The following ASAP2 variants were observed in gnomAD, a reference collection of about 807,000 sequenced individuals.
The protein encoded by ASAP2 is arf-GAP with SH3 domain, ANK repeat and PH domain-containing protein 2.
Under a neutral mutation model 131.4 loss-of-function variants are expected in ASAP2, and 45 were observed. That is an observed-to-expected ratio of 0.34 (90% CI 0.27 to 0.44). The LOEUF (loss-of-function observed/expected upper bound fraction) is 0.44, where lower values mean the gene tolerates loss of function less well. ASAP2 is among the 20% of genes least tolerant of loss of function. The pLI is 1.00. For synonymous variants in ASAP2, 510 were observed against 503.0 expected (o/e 1.01, Z -0.19); for missense variants, 1,011 against 1,297.0 (o/e 0.78, Z 3.39).
rs372412922 is a variant in ASAP2, at chr2:9,249,659, A to G, written c.127-29658A>G. ...CACCCACACTGTCGTGTGGACAGAA[A>G]GTTCACAGCCTGAGTGAGACTGGGC... On this transcript the variant is annotated intron_variant, in intron 1 of 27. Transcript: ENST00000281419. 6.6e-5 allele frequency among the ~76,000 whole-genome samples: 10 copies of G among 152,352 alleles called. No individual in the cohort carries two copies. The East Asian group carries it at 1.4e-3, about 21-fold the overall frequency.
chr2:9,323,106 T>C lies in ASAP2; in HGVS notation c.471-15T>C. ...GCCAACAGGCATCTTGATGTATCCT[T>C]GCTTTCACACGTAGAACCAAGATAG... On this transcript the variant is annotated splice_polypyrimidine_tract_variant and intron_variant, in intron 5 of 27. Coordinates refer to ENST00000281419, the MANE Select transcript of ASAP2 (RefSeq NM_003887.3). 6.2e-7 allele frequency: 1 copy of C among 1,614,012 alleles called. No homozygotes were observed. Among genetic ancestry groups the C allele is most frequent in the Non-Finnish European group, 8.5e-7 (1 of 1,179,986 alleles).
intron 1 of ASAP2, among the ~76,000 whole-genome samples, chr2:9,240,480 G>A (rs2148071791): frequency 6.6e-6 from 1 of 152,048 alleles, no homozygotes; most frequent in South Asian, 2.1e-4. Context: ...TCCTGGACTG[G>A]AGCGATTCAC....
chr2:9,314,491 A>G (rs1669515664), intron 3 of ASAP2, among the ~76,000 whole-genome samples: 1 of 152,226 alleles, frequency 6.6e-6, no homozygotes, highest in Admixed American at 6.5e-5. Flanking sequence ...TCTTCCATCA[A>G]TAATTTTTAA....
At chr2:9,303,360 C>CT (rs1367532724) in intron 3 of ASAP2, among the ~76,000 whole-genome samples, 1 of 152,086 alleles carries the variant, frequency 6.6e-6, no homozygotes, top group African/African-American at 2.4e-5. Context: ...ATTGGTTGCC[C>CT]TTTTTCCTGC....
intron 3 of ASAP2, among the ~76,000 whole-genome samples, chr2:9,297,744 A>G (rs1668234976): frequency 6.6e-6 from 1 of 152,164 alleles, no homozygotes; most frequent in African/African-American, 2.4e-5. Context: ...ACAGTTTCTA[A>G]ACTGTGTAGA....
chr2:9,348,416 C>T lies in ASAP2; in HGVS notation c.1024-2392C>T, dbSNP rs535434322. On this transcript the variant is annotated intron_variant, in intron 11 of 27. Coordinates refer to ENST00000281419, the MANE Select transcript of ASAP2 (RefSeq NM_003887.3). ...CTGGGATTACAGGCGTGAGCTACTG[C>T]GCCCAGGTGACACTGTATTTTTCCA... Among the ~76,000 whole-genome samples the T allele has an allele frequency of 8.5e-5, 13 of 152,312 alleles. No homozygotes were observed. In the South Asian group the frequency reaches 1.9e-3, roughly 22 times the overall value.
At chr2:9,334,666 T>TTTTTAATC in intron 7 of ASAP2, 72 bp from the exon 8 acceptor site, 1 of 1,443,166 alleles carries the variant, frequency 6.9e-7, no homozygotes, top group South Asian at 1.2e-5. Flanking sequence ...TTTAAAGAAG[T>TTTTTAATC]TTTTAATCTG....
rs751898366 is a variant in ASAP2, at chr2:9,367,997, C to A, written c.1462-428C>A. On this transcript the variant is annotated intron_variant, in intron 15 of 27. Transcript: ENST00000281419. ...GCCGGTAATGGAGCTGTGATTTGAA[C>A]CTGAGTCTTAGCTTTCCTGGCTCAG... is the stretch of plus-strand genomic sequence containing the variant. Among the ~76,000 whole-genome samples, 22 of 152,310 alleles carry A rather than the reference C, an allele frequency of 1.4e-4. No homozygotes were observed. The South Asian group carries it at 3.1e-3, about 22-fold the overall frequency.
At chr2:9,365,749 ACTT>A in intron 15 of ASAP2, among the ~76,000 whole-genome samples, 1 of 152,122 alleles carries the variant, frequency 6.6e-6, no homozygotes. Context: ...TTCAGGATGA[ACTT>A]CTTTTCCAGG....
chr2:9,223,345 G>A (rs1327984321), intron 1 of ASAP2, among the ~76,000 whole-genome samples: 1 of 152,138 alleles, frequency 6.6e-6, no homozygotes, highest in East Asian at 1.9e-4. Context: ...TAAGGGCCCT[G>A]TTTTATTTGC....
intron 15 of ASAP2, among the ~76,000 whole-genome samples, chr2:9,363,875 A>G (rs1373458353): frequency 6.6e-6 from 1 of 152,198 alleles, no homozygotes. Context: ...GCAGCCTAGC[A>G]TTACTTCTTT....
intron 3 of ASAP2, among the ~76,000 whole-genome samples, chr2:9,302,012 A>G (rs1265290349): frequency 1.3e-5 from 2 of 150,422 alleles, no homozygotes; most frequent in African/African-American, 4.9e-5. Context: ...TTTAGTAGAG[A>G]TGGGGTTTCA....
Position 9,270,616 on chromosome 2 carries a change from AATT to A in ASAP2, c.127-8697_127-8695del, listed in dbSNP as rs1430946558. 2.0e-5 allele frequency among the ~76,000 whole-genome samples: 3 copies of A among 151,610 alleles called. No individual in the cohort carries two copies. In the South Asian group the frequency reaches 6.3e-4, roughly 32 times the overall value. ...CTTAGTTATTTTTAAATGTACAATA[AATT>A]ATTGTTGACCTTTGTCACCCTGTTT... On this transcript the variant is annotated intron_variant, in intron 1 of 27. Transcript: ENST00000281419.
In ASAP2 at chr2:9,232,792, C is replaced by T. The variant is rs1663262687; in HGVS notation, c.126+25562C>T. Among the ~76,000 whole-genome samples the T allele has an allele frequency of 6.6e-6, 1 of 152,150 alleles. No homozygotes were observed. Among genetic ancestry groups the T allele is most frequent in the Admixed American group, 6.5e-5 (1 of 15,282 alleles). On this transcript the variant is annotated intron_variant, in intron 1 of 27. Coordinates refer to ENST00000281419, the MANE Select transcript of ASAP2 (RefSeq NM_003887.3). The surrounding 1 kb of genome is among the most constrained non-coding windows in gnomAD (Gnocchi z 4.1). ...TCATTGGTTCATAGAAAGCTTGTTT[C>T]TCTGGCCATGGGGACTTGATTCTTA...
intron 3 of ASAP2, among the ~76,000 whole-genome samples, chr2:9,303,994 C>T (rs1668664820): frequency 6.6e-6 from 1 of 152,224 alleles, no homozygotes; most frequent in Non-Finnish European, 1.5e-5. Context: ...TCTGGCAACT[C>T]CTGCCTGGGC....
chr2:9,400,233 CT>C (rs1676524565), intron 25 of ASAP2, among the ~76,000 whole-genome samples, 161 bp downstream of exon 25: 2 of 56,232 alleles, frequency 3.6e-5, no homozygotes, highest in Non-Finnish European at 9.5e-5. Context: ...CTCCTGCCCC[CT>C]CCCCTCCTGC....
At chr2:9,265,955 G>A (rs1240365949) in intron 1 of ASAP2, among the ~76,000 whole-genome samples, 3 of 151,974 alleles carry the variant, frequency 2.0e-5, no homozygotes, top group African/African-American at 7.3e-5. Context: ...TGTATTTTTA[G>A]TAGAAGCGGG....
In ASAP2 at chr2:9,393,589, C is replaced by G; in HGVS notation, c.2626C>G (p.Pro876Ala). The G allele has an allele frequency of 6.3e-7, 1 of 1,595,316 alleles. No individual in the cohort carries two copies. The highest frequency in any genetic ancestry group is 1.1e-5 in the South Asian group (1 of 88,732). Residue 876 changes from proline to alanine, a missense_variant, in exon 24 of 28, where the codon CCC becomes GCC. This residue lies in a region of ASAP2 where 652 missense variants were observed against 698.9 expected (regional missense o/e 0.93). Transcript: ENST00000281419. ...PAPPGISQIR[P>A]PPLPPQPPSR... is the part of the protein sequence containing the mutation. ...CCCGCCTGGGATCTCACAGATCAGG[C>G]CCCCACCTCTGCCCCCACAGCCGCC...
intron 24 of ASAP2, 179 bp from the exon 25 acceptor site, chr2:9,399,844 C>G (rs1676474855): frequency 1.6e-6 from 1 of 644,304 alleles, no homozygotes; most frequent in Admixed American, 2.9e-5. Flanking sequence ...GAATTTAGCA[C>G]TTTCCTCAGG....
Sources: gnomAD v4.1 joint callset for allele counts (sites outside exome capture counted in the v4.1 genomes callset) on GRCh38, gnomAD v4.1.1 for gene constraint, gnomAD v4.1.1 regional missense constraint, Gnocchi (gnomAD v3.1) non-coding constraint, MANE v1.5 for transcripts, NCBI Gene and HGNC (gene_info 2026-07-23, HGNC 2026-07-21) for gene names.